The following PTPRT variants were observed in gnomAD, a reference collection of about 807,000 sequenced individuals.
PTPRT encodes the protein protein tyrosine phosphatase receptor type T.
Under a neutral mutation model 176.8 loss-of-function variants are expected in PTPRT, and 56 were observed. That is an observed-to-expected ratio of 0.32 (90% confidence interval 0.26 to 0.40). PTPRT has a LOEUF of 0.40. Ranked by LOEUF, PTPRT falls within the 10% of genes least tolerant of loss-of-function variation. The pLI is 1.00. For synonymous variants in PTPRT, 783 were observed against 739.0 expected, an observed-to-expected ratio of 1.06 and a Z score of -0.96; for missense variants, 1,540 against 1,908.2, an observed-to-expected ratio of 0.81 and a Z score of 3.60.
intron 6 of PTPRT, among the ~76,000 whole-genome samples, chr20:42,695,066 C>A (rs534994229): frequency 6.6e-6 from 1 of 152,120 alleles, no homozygotes; most frequent in Admixed American, 6.6e-5. Context: ...ATATCTTTTG[C>A]AAATTTTCTA....
At chr20:42,752,153 C>A (rs1286101311) in intron 6 of PTPRT, among the ~76,000 whole-genome samples, 2 of 152,190 alleles carry the variant, frequency 1.3e-5, no homozygotes, top group Non-Finnish European at 2.9e-5. Context: ...GTCATCAAAT[C>A]GGCACCTGGG....
At chr20:42,116,146 AG>A in intron 21 of PTPRT, 1 of 714,754 alleles carries the variant, frequency 1.4e-6, no homozygotes, top group South Asian at 1.5e-5. Flanking sequence ...AAACAAAAAA[AG>A]GTTTTGTGGT....
At chr20:42,354,837 A>G (rs1244363145) in intron 9 of PTPRT, among the ~76,000 whole-genome samples, 1 of 152,126 alleles carries the variant, frequency 6.6e-6, no homozygotes, top group East Asian at 1.9e-4. Flanking sequence ...ATTAAACAGT[A>G]GTGGTGCCGC....
At chr20:42,379,557 GCAGCAGGAGCTCGGTCTC>G (rs1568827881) in intron 9 of PTPRT, among the ~76,000 whole-genome samples, 4 of 152,196 alleles carry the variant, frequency 2.6e-5, no homozygotes, top group Non-Finnish European at 5.9e-5. Context: ...CCTGTGGAGG[GCAGCAGGAGCTCGGTCTC>G]CAGCTCCACC....
chr20:42,825,136 A>G (rs1389893270), intron 2 of PTPRT, among the ~76,000 whole-genome samples: 1 of 152,074 alleles, frequency 6.6e-6, no homozygotes, highest in Non-Finnish European at 1.5e-5. Flanking sequence ...TGATTTTCTG[A>G]GGAGCAATTT....
chr20:42,506,442 T>C lies in PTPRT; in HGVS notation c.1154-33880A>G, dbSNP rs190230693. Among the ~76,000 whole-genome samples, 11 of 152,226 alleles carry C rather than the reference T, an allele frequency of 7.2e-5. No homozygotes were observed. In the East Asian group the frequency reaches 1.9e-3, roughly 27 times the overall value. On this transcript the variant is annotated intron_variant, in intron 7 of 30. Transcript: ENST00000373187. ...TTGACTTAATTCCTTAAGGTGATAC[T>C]GATGCTTTCCAGTTGAATCTATTTC... is the stretch of plus-strand genomic sequence containing the variant.
At chr20:42,970,025 G>C (rs1048022772) in intron 1 of PTPRT, among the ~76,000 whole-genome samples, 1 of 152,150 alleles carries the variant, frequency 6.6e-6, no homozygotes, top group Non-Finnish European at 1.5e-5. Context: ...GCAGATGAAG[G>C]TTTACATCTA....
chr20:42,774,897 GC>G (rs1366489545), intron 4 of PTPRT, among the ~76,000 whole-genome samples: 62 of 152,254 alleles, frequency 4.1e-4, no homozygotes, highest in African/African-American at 1.4e-3. Flanking sequence ...CCTCTTCCCT[GC>G]GTTCCTGGCC....
chr20:42,104,751 A>G (rs1986272642), intron 24 of PTPRT, 33 bp from the exon 25 acceptor site: 3 of 1,530,040 alleles, frequency 2.0e-6, no homozygotes, highest in Middle Eastern at 1.7e-4. Context: ...ATGGGGTGCC[A>G]GGTAAGAACA....
At chr20:43,016,592 C>T (rs1985386519) in intron 1 of PTPRT, among the ~76,000 whole-genome samples, 1 of 110,510 alleles carries the variant, frequency 9.0e-6, no homozygotes, top group African/African-American at 4.3e-5. Context: ...GGCAGAGTCT[C>T]ATTCTGTCTC....
At chr20:42,384,731 G>A (rs936250177) in intron 9 of PTPRT, among the ~76,000 whole-genome samples, 1 of 152,104 alleles carries the variant, frequency 6.6e-6, no homozygotes, top group Non-Finnish European at 1.5e-5. Context: ...CAGTGTGCAA[G>A]TTTTCCACAT....
intron 11 of PTPRT, among the ~76,000 whole-genome samples, chr20:42,319,332 T>C (rs1485571084): frequency 6.6e-6 from 1 of 150,896 alleles, no homozygotes; most frequent in Admixed American, 6.6e-5. Flanking sequence ...CTTCCAAGCA[T>C]TTTTTTTTAA....
At chr20:42,925,760 T>C (rs958508355) in intron 1 of PTPRT, among the ~76,000 whole-genome samples, 1 of 152,150 alleles carries the variant, frequency 6.6e-6, no homozygotes, top group Non-Finnish European at 1.5e-5. Flanking sequence ...TCTAGCAAGT[T>C]TCCAGGTGAG....
At chr20:42,915,848 G>A (rs930536923) in intron 1 of PTPRT, among the ~76,000 whole-genome samples, 7 of 151,610 alleles carry the variant, frequency 4.6e-5, no homozygotes, top group African/African-American at 1.5e-4. Context: ...ATCCTCCTGC[G>A]TCAGTCTCCC....
At chr20:42,115,932 C>G in intron 21 of PTPRT, 1 of 671,748 alleles carries the variant, frequency 1.5e-6, no homozygotes. Flanking sequence ...CAGTTCCTCT[C>G]TGACCCTGGA....
chr20:42,976,734 T>C (rs1982979691), intron 1 of PTPRT, among the ~76,000 whole-genome samples: 1 of 152,210 alleles, frequency 6.6e-6, no homozygotes, highest in Admixed American at 6.5e-5. Context: ...TACTATATCC[T>C]AAACATGGGA....
At chr20:43,093,742 G>A (rs1258751485) in intron 1 of PTPRT, among the ~76,000 whole-genome samples, 1 of 152,184 alleles carries the variant, frequency 6.6e-6, no homozygotes, top group African/African-American at 2.4e-5. Context: ...TGGCCCTGGA[G>A]ATGCAGGTGA....
chr20:42,247,289 C>T (rs1238354665), intron 14 of PTPRT, among the ~76,000 whole-genome samples: 2 of 152,116 alleles, frequency 1.3e-5, no homozygotes, highest in Non-Finnish European at 2.9e-5. Flanking sequence ...AAAGCAGAAC[C>T]AGGAGAAAGA....
At chr20:43,029,368 G>A (rs558950643) in intron 1 of PTPRT, among the ~76,000 whole-genome samples, 64 of 152,326 alleles carry the variant, frequency 4.2e-4, no homozygotes, top group Non-Finnish European at 7.1e-4. Flanking sequence ...AATTGTGATT[G>A]GAAGTGCTTC....
Sources: allele counts gnomAD v4.1 joint callset (sites outside exome capture counted in the v4.1 genomes callset), GRCh38; gene constraint gnomAD v4.1.1; transcripts MANE v1.5; gene names NCBI Gene and HGNC (gene_info 2026-07-23, HGNC 2026-07-21).